Variants in PGM5 observed in about 807,000 individuals in gnomAD.
The protein encoded by PGM5 is phosphoglucomutase-like protein 5.
PGM5 carries 23 observed loss-of-function variants against 59.2 expected under a neutral mutation model. The observed-to-expected ratio is 0.39, with a 90% CI of 0.28 to 0.55. The LOEUF (loss-of-function observed/expected upper bound fraction) is 0.55, where lower values mean the gene tolerates loss of function less well. Ranked by LOEUF, PGM5 falls within the 20% of genes least tolerant of loss-of-function variation. PGM5 has a pLI of 0.66. For missense variants in PGM5, 574 were observed against 748.3 expected, an observed-to-expected ratio of 0.77 and a Z score of 2.72; for synonymous variants, 214 against 286.0, an observed-to-expected ratio of 0.75 and a Z score of 2.54.
At chr9:68,466,268 G>GTT in intron 7 of PGM5, 30 of 758,544 alleles carry the variant, frequency 4.0e-5, no homozygotes, top group Non-Finnish European at 4.8e-5. Context: ...CCGATACTGT[G>GTT]TGTTTTTTTT....
At chr9:68,451,818 C>G (rs577958491) in intron 6 of PGM5, among the ~76,000 whole-genome samples, 24 of 152,308 alleles carry the variant, frequency 1.6e-4, no homozygotes, top group African/African-American at 5.3e-4. Context: ...TGAGCTGCTG[C>G]ATCCAGTTGC....
intron 1 of PGM5, among the ~76,000 whole-genome samples, chr9:68,373,502 G>T (rs1206984723): frequency 6.6e-6 from 1 of 152,144 alleles, no homozygotes; most frequent in Non-Finnish European, 1.5e-5. Context: ...AGATAAAAAT[G>T]TATCTATAAT....
chr9:68,407,726 TA>T (rs1822848534), intron 6 of PGM5, among the ~76,000 whole-genome samples: 1 of 152,180 alleles, frequency 6.6e-6, no homozygotes, highest in South Asian at 2.1e-4. Context: ...TTAAAACATA[TA>T]ATGTGATTTG....
chr9:68,393,093 C>T (rs1414690030), intron 6 of PGM5, among the ~76,000 whole-genome samples: 2 of 151,808 alleles, frequency 1.3e-5, no homozygotes, highest in Admixed American at 6.6e-5. Flanking sequence ...TCTATCCATC[C>T]CTCTTGTCTA....
At position 68,356,771 on chromosome 9, in the gene PGM5, G is replaced by A. The variant is rs558893353; in HGVS notation, c.-357G>A. 14 of 207,862 alleles carry A rather than the reference G, an allele frequency of 6.7e-5. No homozygotes were observed. In the South Asian group the frequency reaches 1.9e-3, roughly 29 times the overall value. The allele number at this position is 207,862 out of a possible 1,614,324, so 12.9% of individuals were successfully genotyped here. On this transcript the variant is annotated 5_prime_UTR_variant, in exon 1 of 11. Coordinates refer to ENST00000396396, the MANE Select transcript of PGM5 (RefSeq NM_021965.4). ...GCCAGGCGCGGGTGGAGGCGTCACCGGGGTCGGGCTAGCAGGCCCTGGAAT... is the reference window on the plus strand; with the variant it reads ...GCCAGGCGCGGGTGGAGGCGTCACCAGGGTCGGGCTAGCAGGCCCTGGAAT...
At chr9:68,428,083 C>T (rs1823267962) in intron 6 of PGM5, among the ~76,000 whole-genome samples, 1 of 152,166 alleles carries the variant, frequency 6.6e-6, no homozygotes, top group Admixed American at 6.6e-5. Flanking sequence ...TATGGCTATC[C>T]ATTGTGGTAC....
intron 6 of PGM5, among the ~76,000 whole-genome samples, chr9:68,461,386 C>T (rs1554685382): frequency 1.3e-5 from 2 of 152,148 alleles, no homozygotes; most frequent in African/African-American, 4.8e-5. Flanking sequence ...CTACAGTCCA[C>T]CTGTGTGTCT....
At chr9:68,400,590 CAA>C (rs1563994292) in intron 6 of PGM5, 1 of 152,562 alleles carries the variant, frequency 6.6e-6, no homozygotes, top group Non-Finnish European at 1.5e-5. Flanking sequence ...GACTTTTTTA[CAA>C]AGAGACATCT....
chr9:68,469,196 G>A (rs533681308), intron 7 of PGM5, among the ~76,000 whole-genome samples: 2 of 152,316 alleles, frequency 1.3e-5, no homozygotes, highest in East Asian at 3.9e-4. Context: ...GGGATGGCAG[G>A]CATGAACCGC....
At position 68,479,567 on chromosome 9, in the gene PGM5, G is replaced by T; in HGVS notation, c.1295+14G>T. ...CTACTATTGCAGGTGAGGAGAAGGG[G>T]AAGGGTCTCTGTATGGACCCTGAAG... is the stretch of plus-strand genomic sequence containing the variant. On this transcript the variant is annotated intron_variant, in intron 8 of 10. Coordinates refer to ENST00000396396, the MANE Select transcript of PGM5 (RefSeq NM_021965.4). The T allele has an allele frequency of 6.2e-7, 1 of 1,613,258 alleles. No individual in the cohort carries two copies.
intron 9 of PGM5, among the ~76,000 whole-genome samples, chr9:68,495,890 G>T (rs923103110): frequency 6.6e-6 from 1 of 152,240 alleles, no homozygotes; most frequent in African/African-American, 2.4e-5. Context: ...TATACCAGGG[G>T]TCAGCAAACA....
intron 10 of PGM5, among the ~76,000 whole-genome samples, chr9:68,501,715 A>G (rs1676550481): frequency 6.6e-6 from 1 of 152,068 alleles, no homozygotes; most frequent in Non-Finnish European, 1.5e-5. Flanking sequence ...GTAGTTTTTG[A>G]TGTTTTACCC....
At chr9:68,415,368 G>T (rs1232488514) in intron 6 of PGM5, among the ~76,000 whole-genome samples, 1 of 149,204 alleles carries the variant, frequency 6.7e-6, no homozygotes, top group South Asian at 2.1e-4. Flanking sequence ...AGGCTGGCAG[G>T]ATCCAGCAGG....
At chr9:68,490,591 G>A (rs1824375309) in intron 9 of PGM5, among the ~76,000 whole-genome samples, 2 of 152,188 alleles carry the variant, frequency 1.3e-5, no homozygotes, top group Admixed American at 6.5e-5. Flanking sequence ...CTGACCTCAG[G>A]TGATCTGCTT....
intron 8 of PGM5, 40 bp from the exon 9 acceptor site, chr9:68,483,825 T>C: frequency 6.3e-7 from 1 of 1,592,836 alleles, no homozygotes; most frequent in Non-Finnish European, 8.6e-7. Context: ...CAGTTGCTGG[T>C]TCTCTGATTA....
At chr9:68,493,690 A>G (rs570573371) in intron 9 of PGM5, among the ~76,000 whole-genome samples, 1 of 152,360 alleles carries the variant, frequency 6.6e-6, no homozygotes, top group South Asian at 2.1e-4. Context: ...AGAGAGCTTA[A>G]GTGACTCAAG....
chr9:68,479,792 G>A (rs548386653), intron 8 of PGM5, among the ~76,000 whole-genome samples: 1 of 152,290 alleles, frequency 6.6e-6, no homozygotes, highest in South Asian at 2.1e-4. Flanking sequence ...AAATTAGCTG[G>A]GCGTAGTGGC....
At chr9:68,524,656 C>T (rs1564029294) in intron 10 of PGM5, among the ~76,000 whole-genome samples, 1 of 152,202 alleles carries the variant, frequency 6.6e-6, no homozygotes, top group Non-Finnish European at 1.5e-5. Flanking sequence ...GGGAGGAAGA[C>T]TGGTCAGTCC....
At chr9:68,510,803 CATGTA>C (rs1416597910) in intron 10 of PGM5, among the ~76,000 whole-genome samples, 1 of 152,164 alleles carries the variant, frequency 6.6e-6, no homozygotes, top group African/African-American at 2.4e-5. Flanking sequence ...ACAAGCAACA[CATGTA>C]AAGTATATAT....
Sources: gnomAD v4.1 joint callset for allele counts (sites outside exome capture counted in the v4.1 genomes callset) on GRCh38, gnomAD v4.1.1 for gene constraint, MANE v1.5 for transcripts, NCBI Gene and HGNC (gene_info 2026-07-23, HGNC 2026-07-21) for gene names.